MNAT1: variants seen among roughly 807,000 people sequenced by gnomAD.
MNAT1 encodes the protein CDK-activating kinase assembly factor MAT1.
In MNAT1, 43 loss-of-function variants were observed where a neutral mutation model predicts 42.0. The ratio of observed to expected loss-of-function variants is 1.02; its 90% CI spans 0.80 to 1.32. The LOEUF is 1.32. MNAT1 is among the 40% of genes most tolerant of loss of function. The pLI, the probability that MNAT1 is intolerant of heterozygous loss-of-function variation, is 0.00. For synonymous variants in MNAT1, 118 were observed against 120.0 expected, an observed-to-expected ratio of 0.98 and a Z score of 0.11; for missense variants, 306 against 350.4, an observed-to-expected ratio of 0.87 and a Z score of 1.01.
intron 6 of MNAT1, among the ~76,000 whole-genome samples, chr14:60,867,258 A>G (rs1241618472): frequency 1.3e-5 from 2 of 152,140 alleles, no homozygotes; most frequent in Non-Finnish European, 2.9e-5. Flanking sequence ...CTAGAAAAAT[A>G]TGGTGCTGTG....
At chr14:60,945,148 T>C (rs1649367385) in intron 7 of MNAT1, among the ~76,000 whole-genome samples, 1 of 152,226 alleles carries the variant, frequency 6.6e-6, no homozygotes, top group Admixed American at 6.5e-5. Context: ...TAGTATACTT[T>C]CTTGTTCAAG....
At chr14:60,856,675 C>T (rs1464124316) in intron 6 of MNAT1, among the ~76,000 whole-genome samples, 3 of 150,570 alleles carry the variant, frequency 2.0e-5, no homozygotes, top group Non-Finnish European at 4.4e-5. Flanking sequence ...GAAGCCAGTG[C>T]TCATTCGCTT....
At chr14:60,827,823 A>G (rs945612850) in intron 6 of MNAT1, among the ~76,000 whole-genome samples, 1 of 152,182 alleles carries the variant, frequency 6.6e-6, no homozygotes, top group Non-Finnish European at 1.5e-5. Context: ...TAACTAGGTG[A>G]GTATCAGGTG....
intron 7 of MNAT1, among the ~76,000 whole-genome samples, chr14:60,895,167 A>C (rs534095854): frequency 1.3e-5 from 2 of 152,336 alleles, no homozygotes; most frequent in Admixed American, 1.3e-4. Flanking sequence ...ATATGTGCCA[A>C]AGTAAATCCT....
intron 7 of MNAT1, among the ~76,000 whole-genome samples, chr14:60,882,655 G>A (rs1020045535): frequency 2.6e-5 from 4 of 151,990 alleles, no homozygotes; most frequent in Non-Finnish European, 5.9e-5. Flanking sequence ...GACAAACCTC[G>A]AAACTGTTCT....
chr14:60,938,338 A>G (rs2036055429), intron 7 of MNAT1, among the ~76,000 whole-genome samples: 1 of 152,122 alleles, frequency 6.6e-6, no homozygotes, highest in Non-Finnish European at 1.5e-5. Context: ...GTTTTTGTCC[A>G]TTCAGTATGA....
intron 7 of MNAT1, among the ~76,000 whole-genome samples, chr14:60,911,245 A>G (rs532185876): frequency 7.4e-4 from 112 of 152,142 alleles, no homozygotes; most frequent in African/African-American, 2.6e-3. Flanking sequence ...CTAGCAGTCT[A>G]TCAATTTTGT....
At chr14:60,914,292 C>G (rs2035461922) in intron 7 of MNAT1, among the ~76,000 whole-genome samples, 1 of 152,210 alleles carries the variant, frequency 6.6e-6, no homozygotes, top group Admixed American at 6.5e-5. Context: ...CGATGCCTTG[C>G]CCTGCTTCGG....
intron 7 of MNAT1, among the ~76,000 whole-genome samples, chr14:60,935,500 G>A (rs139631524): frequency 1.3e-5 from 2 of 152,152 alleles, no homozygotes; most frequent in African/African-American, 4.8e-5. Flanking sequence ...ATTACTTCCA[G>A]ATGTGTTGCT....
chr14:60,884,249 G>A (rs1361390805), intron 7 of MNAT1, among the ~76,000 whole-genome samples: 2 of 151,960 alleles, frequency 1.3e-5, no homozygotes, highest in Non-Finnish European at 2.9e-5. Context: ...TTTATACCCA[G>A]GTTTTTGAGG....
intron 1 of MNAT1, among the ~76,000 whole-genome samples, chr14:60,769,093 CTCTA>C (rs1359163099): frequency 6.6e-6 from 1 of 152,084 alleles, no homozygotes; most frequent in East Asian, 1.9e-4. Flanking sequence ...AGTTTGAACC[CTCTA>C]TCTTTTTTCT....
chr14:60,794,521 C>A (rs987889629), intron 1 of MNAT1, among the ~76,000 whole-genome samples: 1 of 149,826 alleles, frequency 6.7e-6, no homozygotes, highest in African/African-American at 2.5e-5. Flanking sequence ...AAAAAATTAG[C>A]AGAGCGTGAC....
intron 7 of MNAT1, among the ~76,000 whole-genome samples, chr14:60,950,758 C>T (rs1385805852): frequency 6.6e-6 from 1 of 152,126 alleles, no homozygotes; most frequent in East Asian, 1.9e-4. Context: ...TTCGACGAAG[C>T]TTCATAATTT....
intron 7 of MNAT1, among the ~76,000 whole-genome samples, chr14:60,959,968 T>C (rs902278359): frequency 1.3e-5 from 2 of 151,192 alleles, no homozygotes; most frequent in Admixed American, 6.6e-5. Flanking sequence ...GTCAGTCGTA[T>C]TGATGCATGT....
chr14:60,742,586 T>A (rs983871359), intron 1 of MNAT1, among the ~76,000 whole-genome samples: 1 of 152,210 alleles, frequency 6.6e-6, no homozygotes, highest in African/African-American at 2.4e-5. Context: ...TGGCTTTTAG[T>A]ATATTCTCAG....
chr14:60,860,356 T>TTC (rs1301866482), intron 6 of MNAT1, among the ~76,000 whole-genome samples: 12 of 143,776 alleles, frequency 8.3e-5, no homozygotes, highest in African/African-American at 3.1e-4. Flanking sequence ...TTTCTTTTCT[T>TTC]TTTTTTTTTT....
chr14:60,845,585 A>G (rs1594797719), intron 6 of MNAT1, among the ~76,000 whole-genome samples: 1 of 152,058 alleles, frequency 6.6e-6, no homozygotes, highest in South Asian at 2.1e-4. Flanking sequence ...ATATGATTTA[A>G]TAATTTTTTA....
chr14:60,833,962 T>C (rs2033298391), intron 6 of MNAT1, among the ~76,000 whole-genome samples: 1 of 152,226 alleles, frequency 6.6e-6, no homozygotes, highest in African/African-American at 2.4e-5. Flanking sequence ...TTTATCTTCG[T>C]AGAGGTGTTA....
At chr14:60,857,072 C>T (rs1454946357) in intron 6 of MNAT1, among the ~76,000 whole-genome samples, 4 of 152,216 alleles carry the variant, frequency 2.6e-5, no homozygotes, top group Non-Finnish European at 4.4e-5. Flanking sequence ...GTCTAGGTGA[C>T]AGCGTATCTG....
Sources: gnomAD v4.1 joint callset for allele counts (sites outside exome capture counted in the v4.1 genomes callset) on GRCh38, gnomAD v4.1.1 for gene constraint, MANE v1.5 for transcripts, NCBI Gene and HGNC (gene_info 2026-07-23, HGNC 2026-07-21) for gene names.